The following ZFX variants were observed in gnomAD, a reference collection of about 807,000 sequenced individuals.
ZFX encodes the protein zinc finger protein X-linked.
For missense variants in ZFX, 362 were observed against 628.3 expected (o/e 0.58, Z 4.53); for synonymous variants, 196 against 226.8 (o/e 0.86, Z 1.22).
rs1019590456 is a variant in ZFX, at chrX:24,214,421, A to G, written c.*3045A>G. 4 of 112,723 alleles carry G rather than the reference A, an allele frequency of 3.5e-5. No individual in the cohort carries two copies. Among genetic ancestry groups the G allele is most frequent in the South Asian group, 3.6e-4 (1 of 2,741 alleles). The allele number at this position is 112,723 out of a possible 1,213,427, so 9.3% of individuals were successfully genotyped here. ...TTTCCTGTTATTGAATGTTTAGTCT[A>G]TTTGATACCAGTACTAAGTTAATGC... On this transcript the variant is annotated 3_prime_UTR_variant, in exon 10 of 10. Transcript: ENST00000304543.
At chrX:24,189,205 G>T (rs1327063174) in intron 5 of ZFX, among the ~76,000 whole-genome samples, 3 of 111,886 alleles carry the variant, frequency 2.7e-5, no homozygotes, top group Non-Finnish European at 5.6e-5. Context: ...GTAGAATTTG[G>T]ATTAAATTTA....
chrX:24,204,706 C>T (rs916615731), intron 5 of ZFX, among the ~76,000 whole-genome samples: 9 of 111,970 alleles, frequency 8.0e-5, no homozygotes, highest in Admixed American at 6.7e-4. Context: ...CAGAAGTTGA[C>T]GAGCCCTGAT....
intron 5 of ZFX, among the ~76,000 whole-genome samples, chrX:24,180,092 T>C (rs1353839834): frequency 4.6e-5 from 5 of 108,367 alleles, no homozygotes; most frequent in South Asian, 4.1e-4. Context: ...ATTAACCGGG[T>C]GTGGTGGTGG....
intron 5 of ZFX, among the ~76,000 whole-genome samples, chrX:24,194,490 C>T (rs1010251044): frequency 1.8e-5 from 2 of 111,092 alleles, no homozygotes; most frequent in Non-Finnish European, 3.8e-5. Flanking sequence ...GTGAGCATGC[C>T]CTGTGATGGT....
chrX:24,200,465 AAAGGGAATTGAGATCGTGGGC>A (rs1937219769), intron 5 of ZFX, among the ~76,000 whole-genome samples: 1 of 111,993 alleles, frequency 8.9e-6, no homozygotes. Flanking sequence ...AGGGGTAGGG[AAAGGGAATTGAGATCGTGGGC>A]AAGGGAATGG....
intron 5 of ZFX, among the ~76,000 whole-genome samples, chrX:24,194,514 C>T (rs1330843818): frequency 9.0e-6 from 1 of 110,962 alleles, no homozygotes; most frequent in Non-Finnish European, 1.9e-5. Context: ...TGCCTGGTAC[C>T]CTGAGCTGCT....
At chrX:24,177,397 T>G (rs1037120382) in intron 4 of ZFX, among the ~76,000 whole-genome samples, 1 of 111,936 alleles carries the variant, frequency 8.9e-6, no homozygotes, top group Admixed American at 9.6e-5. Context: ...TCCTCTACCT[T>G]CATTCCTTAA....
intron 5 of ZFX, among the ~76,000 whole-genome samples, chrX:24,199,097 G>A (rs1243610775): frequency 1.8e-5 from 2 of 111,187 alleles, no homozygotes; most frequent in African/African-American, 6.5e-5. Context: ...GAAACCAAGA[G>A]GTTGGGTCAG....
intron 5 of ZFX, among the ~76,000 whole-genome samples, chrX:24,205,897 G>A (rs943654289): frequency 4.5e-5 from 5 of 110,643 alleles, no homozygotes; most frequent in African/African-American, 1.3e-4. Flanking sequence ...TGTGATGTTT[G>A]TTGTATATCC....
chrX:24,198,479 CTTTGT>C (rs1185059438), intron 5 of ZFX, among the ~76,000 whole-genome samples: 1 of 78,606 alleles, frequency 1.3e-5, no homozygotes, highest in African/African-American at 5.7e-5. Flanking sequence ...CTGCACCTGG[CTTTGT>C]TTTTTTTTTT....
At chrX:24,179,831 C>A in intron 5 of ZFX, 61 bp downstream of exon 5, 1 of 1,019,640 alleles carries the variant, frequency 9.8e-7, no homozygotes, top group Non-Finnish European at 1.3e-6. Flanking sequence ...TTCTAATTTA[C>A]ATCAGGGGTG....
intron 3 of ZFX, among the ~76,000 whole-genome samples, chrX:24,165,130 T>TC (rs1011632939): frequency 3.7e-4 from 29 of 77,969 alleles, no homozygotes; most frequent in African/African-American, 1.2e-3. Flanking sequence ...TTCTTTTCTT[T>TC]CTTTTTTTTG....
At position 24,208,974 on chromosome X, in the gene ZFX, C is replaced by T; in HGVS notation, c.1168C>T (p.Leu390Phe). 1 of 1,211,368 alleles carries T rather than the reference C, an allele frequency of 8.3e-7. No homozygotes were observed. The highest frequency in any genetic ancestry group is 1.1e-6 in the Non-Finnish European group (1 of 895,436). Residue 390 changes from leucine (L) to phenylalanine (F), a missense_variant, in exon 9 of 10, where the codon CTC becomes TTC. Coordinates refer to ENST00000304543, the MANE Select transcript of ZFX (RefSeq NM_003410.4). Reference sequence around the variant, plus strand: ...CTTGCACATAGATGAGTCTGCTGGCCTCGGCAGACTGGCTAAACAAAAACC... The same window carrying T: ...CTTGCACATAGATGAGTCTGCTGGCTTCGGCAGACTGGCTAAACAAAAACC... ...ALLHIDESAG[L>F]GRLAKQKPKK...
intron 5 of ZFX, among the ~76,000 whole-genome samples, chrX:24,203,571 A>G (rs1245123681): frequency 8.9e-6 from 1 of 112,161 alleles, no homozygotes; most frequent in Non-Finnish European, 1.9e-5. Context: ...ACCTGACCAG[A>G]TTGAGAAACC....
intron 5 of ZFX, chrX:24,207,091 G>C (rs976494895): frequency 3.4e-6 from 1 of 296,192 alleles, no homozygotes; most frequent in Non-Finnish European, 5.9e-6. Flanking sequence ...AAATTAGCCG[G>C]GCGTGGTGGT....
At chrX:24,153,180 C>G (rs1195181987) in intron 3 of ZFX, among the ~76,000 whole-genome samples, 2 of 111,990 alleles carry the variant, frequency 1.8e-5, no homozygotes, top group Non-Finnish European at 3.8e-5. Context: ...CTGGCAATTC[C>G]AAACTTTTTT....
Position 24,172,738 on chromosome X carries a change from A to G in ZFX, c.-5A>G. ...AGGAGCTGTGACTGATGAGAATTAAAGGCCATGGATGAAGATGGGCTTGAA... is the reference window on the plus strand; with the variant it reads ...AGGAGCTGTGACTGATGAGAATTAAGGGCCATGGATGAAGATGGGCTTGAA... On this transcript the variant is annotated 5_prime_UTR_variant, in exon 4 of 10. Coordinates refer to ENST00000304543, the MANE Select transcript of ZFX (RefSeq NM_003410.4). The G allele has an allele frequency of 1.7e-6, 2 of 1,192,565 alleles. No homozygotes were observed. The highest frequency in any genetic ancestry group is 2.3e-6 in the Non-Finnish European group (2 of 888,123).
At chrX:24,180,913 G>A (rs1324196887) in intron 5 of ZFX, among the ~76,000 whole-genome samples, 1 of 111,774 alleles carries the variant, frequency 8.9e-6, no homozygotes, top group Non-Finnish European at 1.9e-5. Context: ...AAAGACAACC[G>A]TTATCTTCTT....
intron 5 of ZFX, among the ~76,000 whole-genome samples, chrX:24,206,419 C>A (rs906405975): frequency 1.7e-4 from 19 of 109,885 alleles, no homozygotes; most frequent in African/African-American, 4.0e-4. Context: ...AGGCTGTAAC[C>A]TTCACCTCCC....
Sources: gnomAD v4.1 joint callset for allele counts (sites outside exome capture counted in the v4.1 genomes callset) on GRCh38, gnomAD v4.1.1 for gene constraint, MANE v1.5 for transcripts, NCBI Gene and HGNC (gene_info 2026-07-23, HGNC 2026-07-21) for gene names.